PPP4R3B: variants seen among roughly 807,000 people sequenced by gnomAD.
PPP4R3B encodes the protein serine/threonine-protein phosphatase 4 regulatory subunit 3B.
A neutral mutation model predicts 95.4 loss-of-function variants in PPP4R3B; 52 were observed. That is an observed-to-expected ratio of 0.54 (90% CI 0.44 to 0.69). The LOEUF (loss-of-function observed/expected upper bound fraction) is 0.69, where lower values mean the gene tolerates loss of function less well. Ranked by LOEUF, PPP4R3B falls within the 30% of genes least tolerant of loss-of-function variation. The pLI, the probability that PPP4R3B is intolerant of heterozygous loss-of-function variation, is 0.00. For synonymous variants in PPP4R3B, 407 were observed against 343.9 expected, an observed-to-expected ratio of 1.18 and a Z score of -2.03; for missense variants, 1,003 against 1,005.9, an observed-to-expected ratio of 1.00 and a Z score of 0.04.
rs746044545 is a variant in PPP4R3B at position 55,568,219 on chromosome 2, A to G, written c.1910T>C (p.Ile637Thr). 53 of 1,570,682 alleles carry G rather than the reference A, an allele frequency of 3.4e-5. No individual in the cohort carries two copies. Among genetic ancestry groups the G allele is most frequent in the Non-Finnish European group, 4.2e-5 (49 of 1,160,060 alleles). ...TRYNLLNSAV[I>T]ELFEFIRVED... Reference sequence around the variant, plus strand: ...CACTCTTATAAATTCAAACAACTCAATAACAGCTGAATTCAACAGATTATA... The same window carrying G: ...CACTCTTATAAATTCAAACAACTCAGTAACAGCTGAATTCAACAGATTATA... The change falls in exon 13 of 17, where the codon ATT becomes ACT. Residue 637 changes from isoleucine to threonine, a missense_variant. Coordinates refer to ENST00000616407, the MANE Select transcript of PPP4R3B (RefSeq NM_001122964.3).
intron 8 of PPP4R3B, among the ~76,000 whole-genome samples, chr2:55,580,507 C>T (rs1010741365): frequency 4.6e-5 from 7 of 152,058 alleles, no homozygotes; most frequent in Non-Finnish European, 7.4e-5. Context: ...CCAATTAAGC[C>T]CATGTGATAG....
chr2:55,580,779 AG>A (rs1490714853), intron 8 of PPP4R3B, among the ~76,000 whole-genome samples: 2 of 152,230 alleles, frequency 1.3e-5, no homozygotes, highest in Non-Finnish European at 2.9e-5. Flanking sequence ...AATTTTATAA[AG>A]AAAAATATCC....
intron 3 of PPP4R3B, 39 bp downstream of exon 3, chr2:55,603,939 A>C (rs1023902494): frequency 7.7e-6 from 11 of 1,433,864 alleles, no homozygotes; most frequent in East Asian, 4.6e-5. Flanking sequence ...TCCAGAAAAG[A>C]AGCAAACATT....
intron 2 of PPP4R3B, among the ~76,000 whole-genome samples, chr2:55,613,102 C>A (rs1460874738): frequency 6.6e-6 from 1 of 151,938 alleles, no homozygotes; most frequent in Non-Finnish European, 1.5e-5. Flanking sequence ...CAGAAGAAGA[C>A]CCTCTCAAAA....
At chr2:55,616,668 C>CTTTT (rs1694978697) in intron 1 of PPP4R3B, 1 of 152,382 alleles carries the variant, frequency 6.6e-6, no homozygotes, top group Admixed American at 6.5e-5. Context: ...GCCAGGAAAA[C>CTTTT]GTGCCTTTCG....
chr2:55,611,860 C>T (rs916368606), intron 2 of PPP4R3B, among the ~76,000 whole-genome samples: 2 of 152,068 alleles, frequency 1.3e-5, no homozygotes, highest in African/African-American at 4.8e-5. Flanking sequence ...CCAGAAGTAG[C>T]TGGCACTATA....
At chr2:55,611,001 G>A (rs1484388406) in intron 2 of PPP4R3B, among the ~76,000 whole-genome samples, 2 of 152,012 alleles carry the variant, frequency 1.3e-5, no homozygotes, top group South Asian at 2.1e-4. Flanking sequence ...AAGCAGCTGG[G>A]ACTACAGGTG....
At chr2:55,614,779 A>C (rs1694670201) in intron 2 of PPP4R3B, 1 of 152,202 alleles carries the variant, frequency 6.6e-6, no homozygotes, top group South Asian at 2.1e-4. Flanking sequence ...GTAGACACCG[A>C]TTATTCTCTG....
chr2:55,589,254 C>G (rs1690617647), intron 4 of PPP4R3B, among the ~76,000 whole-genome samples: 2 of 152,170 alleles, frequency 1.3e-5, no homozygotes, highest in African/African-American at 4.8e-5. Context: ...CTTAGATTCT[C>G]TAGCCCCCTT....
At chr2:55,564,810 ATT>A in intron 14 of PPP4R3B, 90 bp downstream of exon 14, 1 of 1,474,194 alleles carries the variant, frequency 6.8e-7, no homozygotes, top group Non-Finnish European at 9.3e-7. Context: ...TGGAAAGAAA[ATT>A]CCTCAGTAAA....
intron 3 of PPP4R3B, among the ~76,000 whole-genome samples, chr2:55,600,456 A>AAAAAG (rs1692404304): frequency 2.1e-5 from 3 of 144,538 alleles, no homozygotes; most frequent in Non-Finnish European, 3.0e-5. Context: ...AAAAAAAAAA[A>AAAAAG]GGCGGGCAGG....
At chr2:55,584,420 T>C (rs887555062) in intron 7 of PPP4R3B, among the ~76,000 whole-genome samples, 1 of 152,184 alleles carries the variant, frequency 6.6e-6, no homozygotes, top group Non-Finnish European at 1.5e-5. Context: ...TTGCTGGTGA[T>C]TTGTGAGATT....
At chr2:55,606,770 C>T (rs1407044807) in intron 2 of PPP4R3B, among the ~76,000 whole-genome samples, 3 of 141,292 alleles carry the variant, frequency 2.1e-5, no homozygotes, top group Non-Finnish European at 3.0e-5. Context: ...TTTCAGTGAG[C>T]GAGATTGCAT....
chr2:55,607,303 T>C (rs1572726362), intron 2 of PPP4R3B, among the ~76,000 whole-genome samples: 1 of 152,196 alleles, frequency 6.6e-6, no homozygotes, highest in South Asian at 2.1e-4. Flanking sequence ...CACTGTCAGA[T>C]ACCACAGTTG....
chr2:55,615,419 G>A (rs374653165), intron 2 of PPP4R3B, 32 bp downstream of exon 2: 144 of 1,462,832 alleles, frequency 9.8e-5, no homozygotes, highest in Non-Finnish European at 9.4e-5. Context: ...CACAGATGAA[G>A]TCTTTCAAAT....
chr2:55,606,183 T>C (rs570657394), intron 2 of PPP4R3B, among the ~76,000 whole-genome samples: 11 of 152,224 alleles, frequency 7.2e-5, no homozygotes, highest in African/African-American at 2.4e-4. Flanking sequence ...TGCAGTTTAA[T>C]TCGCTTATTA....
intron 2 of PPP4R3B, among the ~76,000 whole-genome samples, chr2:55,610,636 A>C (rs1057042649): frequency 3.3e-5 from 5 of 152,178 alleles, no homozygotes; most frequent in Non-Finnish European, 7.3e-5. Context: ...TACCTGCTGT[A>C]TAATCTCAGT....
intron 12 of PPP4R3B, among the ~76,000 whole-genome samples, chr2:55,568,778 A>G (rs1288904942): frequency 6.6e-6 from 1 of 152,226 alleles, no homozygotes; most frequent in African/African-American, 2.4e-5. Context: ...GCTCAGAATC[A>G]GTGGGGGCAC....
intron 11 of PPP4R3B, 61 bp downstream of exon 11, chr2:55,577,254 A>G: frequency 6.6e-7 from 1 of 1,504,812 alleles, no homozygotes; most frequent in Non-Finnish European, 8.8e-7. Flanking sequence ...AGTGCATTAC[A>G]CTTAGAGTAG....
Sources: allele counts gnomAD v4.1 joint callset (sites outside exome capture counted in the v4.1 genomes callset), GRCh38; gene constraint gnomAD v4.1.1; transcripts MANE v1.5; gene names NCBI Gene and HGNC (gene_info 2026-07-23, HGNC 2026-07-21).